TRIM24: variants seen among roughly 807,000 people sequenced by gnomAD.
The protein encoded by TRIM24 is tripartite motif containing 24.
Under a neutral mutation model 123.9 loss-of-function variants are expected in TRIM24, and 29 were observed. The observed-to-expected ratio is 0.23, with a 90% CI of 0.17 to 0.32. TRIM24 has a LOEUF of 0.32. Ranked by LOEUF, TRIM24 falls within the 10% of genes least tolerant of loss-of-function variation. TRIM24 has a pLI of 1.00. For missense variants in TRIM24, 932 were observed against 1,295.3 expected, an observed-to-expected ratio of 0.72 and a Z score of 4.31; for synonymous variants, 456 against 461.1, an observed-to-expected ratio of 0.99 and a Z score of 0.14.
chr7:138,580,121 T>C (rs1223735379), intron 15 of TRIM24, among the ~76,000 whole-genome samples: 2 of 152,180 alleles, frequency 1.3e-5, no homozygotes, highest in African/African-American at 4.8e-5. Flanking sequence ...ATGACCAAGA[T>C]GGTTAAGAGC....
chr7:138,537,220 T>A (rs1168218916), intron 6 of TRIM24, among the ~76,000 whole-genome samples: 2 of 151,964 alleles, frequency 1.3e-5, no homozygotes, highest in African/African-American at 4.8e-5. Context: ...GTACCCACGG[T>A]CCTGCACCCA....
intron 1 of TRIM24, among the ~76,000 whole-genome samples, chr7:138,480,319 C>T (rs887882378): frequency 6.6e-6 from 1 of 152,132 alleles, no homozygotes; most frequent in African/African-American, 2.4e-5. Context: ...ATGCTGTAAC[C>T]TAGCTTTGTC....
At chr7:138,570,260 A>G (rs1333036872) in intron 10 of TRIM24, among the ~76,000 whole-genome samples, 2 of 152,036 alleles carry the variant, frequency 1.3e-5, no homozygotes, top group African/African-American at 4.8e-5. Context: ...CATGTTTTTC[A>G]ATAGGTTTTG....
intron 6 of TRIM24, among the ~76,000 whole-genome samples, chr7:138,531,093 T>C (rs566959408): frequency 5.3e-4 from 81 of 151,930 alleles, no homozygotes; most frequent in African/African-American, 1.9e-3. Context: ...AAGCTGGGAC[T>C]ACAGGGCGTG....
At chr7:138,503,796 G>A (rs571376537) in intron 1 of TRIM24, among the ~76,000 whole-genome samples, 2 of 152,194 alleles carry the variant, frequency 1.3e-5, no homozygotes, top group South Asian at 2.1e-4. Context: ...CAAGCACTAC[G>A]AAAGACCATT....
At chr7:138,543,837 TTTG>T (rs1189147956) in intron 7 of TRIM24, among the ~76,000 whole-genome samples, 4 of 152,068 alleles carry the variant, frequency 2.6e-5, no homozygotes, top group South Asian at 4.2e-4. Context: ...TTCTGTTTTT[TTTG>T]TTGTTGTTGT....
rs974314947 is a variant in TRIM24 at position 138,555,064 on chromosome 7, A to G, written c.1530+98A>G. The G allele has an allele frequency of 2.4e-6, 3 of 1,256,048 alleles. No homozygotes were observed. The South Asian group carries it at 4.6e-5, about 19-fold the overall frequency. 77.8% of individuals were successfully genotyped at this position (1,256,048 alleles called of 1,614,324 possible). A position where few individuals can be genotyped will look rare whatever the true frequency, so the allele number is the denominator to read the frequency against. On this transcript the variant is annotated intron_variant, in intron 9 of 18. Coordinates refer to ENST00000343526, the MANE Select transcript of TRIM24 (RefSeq NM_015905.3). ...AAGACATCCATTTTCCATACTCTAA[A>G]TATCTGCATTTATAAAAATTTATCA...
chr7:138,565,633 C>T (rs1797520668), intron 9 of TRIM24, among the ~76,000 whole-genome samples: 1 of 152,154 alleles, frequency 6.6e-6, no homozygotes, highest in African/African-American at 2.4e-5. Flanking sequence ...ACTGGAGAGA[C>T]CAATAGGTAG....
At chr7:138,474,315 C>T (rs1192579446) in intron 1 of TRIM24, among the ~76,000 whole-genome samples, 7 of 151,690 alleles carry the variant, frequency 4.6e-5, no homozygotes, top group East Asian at 3.9e-4. Context: ...TTAGTAGAGA[C>T]GGGGTTTCAC....
chr7:138,554,583 T>G lies in TRIM24; in HGVS notation c.1262-115T>G. The G allele has an allele frequency of 3.0e-5, 34 of 1,116,530 alleles. No individual in the cohort carries two copies. Among genetic ancestry groups the G allele is most frequent in the South Asian group, 4.7e-5 (3 of 63,860 alleles). The allele number at this position is 1,116,530 out of a possible 1,614,324, so 69.2% of individuals were successfully genotyped here. The stretch of plus-strand genomic sequence containing the variant: ...CTCTTTCAGAGTGTTAAAGGGCTCA[T>G]GAGATCAGAGAATTTCTTGGCAATT... On this transcript the variant is annotated intron_variant, in intron 8 of 18. Transcript: ENST00000343526. This position sits in a 1 kb window ranked among gnomAD's most constrained non-coding sequence, Gnocchi z 4.5.
rs1347514610 is a variant in TRIM24, at chr7:138,576,462, A to G, written c.2087+17A>G. 1.2e-5 allele frequency: 20 copies of G among 1,607,858 alleles called. No individual in the cohort carries two copies. The highest frequency in any genetic ancestry group is 1.5e-5 in the Non-Finnish European group (18 of 1,175,296). On this transcript the variant is annotated intron_variant, in intron 13 of 18. Coordinates refer to ENST00000343526, the MANE Select transcript of TRIM24 (RefSeq NM_015905.3). ...CCGAGGAAGGTAAACTGACTAAACC[A>G]TATTTTCTAGTATATAAAAATCTCT...
chr7:138,575,913 T>C (rs1797747781), intron 12 of TRIM24, among the ~76,000 whole-genome samples: 1 of 152,180 alleles, frequency 6.6e-6, no homozygotes, highest in African/African-American at 2.4e-5. Context: ...TTTTTTGAAC[T>C]CCTTTTCTAT....
intron 3 of TRIM24, among the ~76,000 whole-genome samples, chr7:138,516,592 T>C (rs953409437): frequency 4.6e-5 from 7 of 152,124 alleles, no homozygotes; most frequent in African/African-American, 1.7e-4. Flanking sequence ...TGACCTCAAG[T>C]AATCCGCCAG....
intron 1 of TRIM24, among the ~76,000 whole-genome samples, chr7:138,471,299 C>T (rs532466055): frequency 6.6e-6 from 1 of 152,232 alleles, no homozygotes; most frequent in East Asian, 1.9e-4. Context: ...TGTACTAGCA[C>T]TGTAGTATAT....
intron 4 of TRIM24, among the ~76,000 whole-genome samples, chr7:138,521,290 TGTG>T: frequency 6.6e-6 from 1 of 152,308 alleles, no homozygotes; most frequent in East Asian, 1.9e-4. Flanking sequence ...ATCTTGTTGA[TGTG>T]GTGTGCGTAT....
At chr7:138,528,621 A>G (rs1364713352) in intron 5 of TRIM24, among the ~76,000 whole-genome samples, 1 of 152,062 alleles carries the variant, frequency 6.6e-6, no homozygotes, top group African/African-American at 2.4e-5. Context: ...GTAGCAAACT[A>G]CTATTTTTGT....
intron 4 of TRIM24, among the ~76,000 whole-genome samples, chr7:138,524,758 A>G (rs1442308492): frequency 6.6e-6 from 1 of 152,122 alleles, no homozygotes; most frequent in Non-Finnish European, 1.5e-5. Context: ...ACTGTTGCTT[A>G]AAAGTTTTAT....
At chr7:138,514,138 A>C (rs1459217335) in intron 2 of TRIM24, among the ~76,000 whole-genome samples, 1 of 152,232 alleles carries the variant, frequency 6.6e-6, no homozygotes, top group Non-Finnish European at 1.5e-5. Context: ...GTTTATGGAC[A>C]TATCAGGTAT....
intron 7 of TRIM24, among the ~76,000 whole-genome samples, chr7:138,550,623 A>G (rs971353748): frequency 7.2e-5 from 11 of 152,018 alleles, no homozygotes; most frequent in African/African-American, 2.4e-4. Context: ...CAGAACTGTA[A>G]CAAGGAACAA....
Sources: allele counts gnomAD v4.1 joint callset (sites outside exome capture counted in the v4.1 genomes callset), GRCh38; gene constraint gnomAD v4.1.1; non-coding constraint Gnocchi (gnomAD v3.1); transcripts MANE v1.5; gene names NCBI Gene and HGNC (gene_info 2026-07-23, HGNC 2026-07-21).